The following CWF19L2 variants were observed in gnomAD, a reference collection of about 807,000 sequenced individuals.
CWF19L2 encodes the protein CWF19 like cell cycle control factor 2, also known as CWF19-like protein 2.
Under a neutral mutation model 111.7 loss-of-function variants are expected in CWF19L2, and 98 were observed. The ratio of observed to expected loss-of-function variants is 0.88; its 90% CI spans 0.75 to 1.04. The LOEUF is 1.04. Ranked by LOEUF, CWF19L2 falls within the 50% of genes least tolerant of loss-of-function variation. The probability of loss-of-function intolerance (pLI) is 0.00; values close to 1 mark genes in which losing one functional copy is unlikely to be tolerated. For missense variants in CWF19L2, 1,101 were observed against 1,051.4 expected, an observed-to-expected ratio of 1.05 and a Z score of -0.65; for synonymous variants, 351 against 342.9, an observed-to-expected ratio of 1.02 and a Z score of -0.26.
At chr11:107,373,766 T>C (rs12222052) in intron 12 of CWF19L2, among the ~76,000 whole-genome samples, 68,609 of 128,956 alleles carry the variant, frequency 0.53, 23,899 homozygotes, top group East Asian at 0.71. Context: ...CAAAGCTGGA[T>C]GGAGAATGAC....
chr11:107,419,061 A>G (rs906507864), intron 8 of CWF19L2, among the ~76,000 whole-genome samples: 17 of 152,222 alleles, frequency 1.1e-4, no homozygotes, highest in African/African-American at 3.6e-4. Flanking sequence ...AGAACTGCAG[A>G]GGGTTCCCCT....
intron 9 of CWF19L2, 50 bp from the exon 10 acceptor site, chr11:107,416,348 T>C: frequency 1.2e-6 from 1 of 806,888 alleles, no homozygotes; most frequent in South Asian, 2.2e-5. Flanking sequence ...GTTTAATTCT[T>C]TACGACAAAA....
At chr11:107,335,987 T>C (rs998694416) in intron 15 of CWF19L2, among the ~76,000 whole-genome samples, 2 of 152,048 alleles carry the variant, frequency 1.3e-5, no homozygotes, top group Non-Finnish European at 2.9e-5. Context: ...TTTGGGAGGC[T>C]GAGGCGGGCA....
In CWF19L2 at chr11:107,369,666, C is replaced by T. The variant is rs1421503281; in HGVS notation, c.1873-15930G>A. ...TAGAAGAAAGTAAGGACACTGATTC[C>T]ATACATTTTCAAAATTACTTTAAGA... On this transcript the variant is annotated intron_variant, in intron 12 of 17. Transcript: ENST00000282251. Among the ~76,000 whole-genome samples the T allele has an allele frequency of 4.4e-5, 6 of 137,704 alleles. 3 individuals carry two copies. Among genetic ancestry groups the T allele is most frequent in the African/African-American group, 1.7e-4 (6 of 34,610 alleles). The allele number at this position is 137,704 out of a possible 152,430, so 90.3% of individuals were successfully genotyped here.
At chr11:107,410,573 G>A (rs772401039) in intron 10 of CWF19L2, among the ~76,000 whole-genome samples, 18 of 152,104 alleles carry the variant, frequency 1.2e-4, no homozygotes, top group Admixed American at 3.3e-4. Context: ...ATAACACTTC[G>A]TATGATACTT....
At chr11:107,389,952 G>T in intron 12 of CWF19L2, 122 bp downstream of exon 12, 1 of 816,396 alleles carries the variant, frequency 1.2e-6, no homozygotes, top group Non-Finnish European at 1.9e-6. Context: ...GTCTTACAAA[G>T]GATTTAATTT....
At chr11:107,391,038 T>G (rs193299061) in intron 11 of CWF19L2, among the ~76,000 whole-genome samples, 38 of 152,302 alleles carry the variant, frequency 2.5e-4, no homozygotes, top group African/African-American at 8.9e-4. Flanking sequence ...TTCGGATTCT[T>G]GGACTTACAC....
At chr11:107,404,954 A>G (rs1348956881) in intron 10 of CWF19L2, among the ~76,000 whole-genome samples, 1 of 152,230 alleles carries the variant, frequency 6.6e-6, no homozygotes, top group African/African-American at 2.4e-5. Context: ...AGAAACAATG[A>G]GCAAGTTCCC....
intron 10 of CWF19L2, among the ~76,000 whole-genome samples, chr11:107,399,506 G>A (rs1284747994): frequency 6.6e-6 from 1 of 152,160 alleles, no homozygotes; most frequent in Non-Finnish European, 1.5e-5. Context: ...AAAAGGCCTT[G>A]TCCAACAGGA....
chr11:107,457,056 T>C (rs574765060), intron 1 of CWF19L2, among the ~76,000 whole-genome samples: 2 of 152,386 alleles, frequency 1.3e-5, no homozygotes, highest in South Asian at 2.1e-4. Flanking sequence ...TTCTCTTTCA[T>C]TGCCACACTT....
chr11:107,349,099 T>C (rs763095987), intron 13 of CWF19L2, 46 bp from the exon 14 acceptor site: 2 of 961,578 alleles, frequency 2.1e-6, no homozygotes, highest in Non-Finnish European at 3.1e-6. Flanking sequence ...GTTATTTATA[T>C]GTTATATATT....
chr11:107,408,578 C>A (rs555629503), intron 10 of CWF19L2, among the ~76,000 whole-genome samples: 1 of 151,910 alleles, frequency 6.6e-6, no homozygotes, highest in Admixed American at 6.6e-5. Context: ...AATATTTGCT[C>A]CTATAGTAAT....
At chr11:107,364,626 A>G (rs1352321349) in intron 12 of CWF19L2, among the ~76,000 whole-genome samples, 6 of 125,816 alleles carry the variant, frequency 4.8e-5, no homozygotes, top group Non-Finnish European at 6.4e-5. Context: ...TGAAACCAAC[A>G]AGAACAAAGA....
chr11:107,449,647 G>GAAAGT (rs60093514), intron 3 of CWF19L2, among the ~76,000 whole-genome samples: 26,938 of 151,808 alleles, frequency 0.18, 2,540 homozygotes, highest in Middle Eastern at 0.27. Flanking sequence ...TATATTATTT[G>GAAAGT]AGAGTATGGT....
intron 8 of CWF19L2, among the ~76,000 whole-genome samples, chr11:107,419,299 A>T (rs1341532916): frequency 1.3e-5 from 2 of 152,206 alleles, no homozygotes; most frequent in African/African-American, 4.8e-5. Flanking sequence ...AAAAATGTTA[A>T]AACAAAAGTT....
chr11:107,405,009 T>C (rs1297185670), intron 10 of CWF19L2, among the ~76,000 whole-genome samples: 5 of 152,230 alleles, frequency 3.3e-5, no homozygotes, highest in Non-Finnish European at 7.3e-5. Context: ...TAAGAATCTG[T>C]ATCAGTGTCA....
At chr11:107,356,167 T>C (rs1031707465) in intron 12 of CWF19L2, among the ~76,000 whole-genome samples, 1 of 151,980 alleles carries the variant, frequency 6.6e-6, no homozygotes, top group Admixed American at 6.6e-5. Context: ...AAAAAGACAA[T>C]GAGAAATGAC....
chr11:107,355,662 T>A (rs1860227369), intron 12 of CWF19L2, among the ~76,000 whole-genome samples: 2 of 152,118 alleles, frequency 1.3e-5, no homozygotes, highest in Non-Finnish European at 2.9e-5. Flanking sequence ...ATTATGTAAG[T>A]TGAAAAGAAA....
At position 107,400,430 on chromosome 11, in the gene CWF19L2, T is replaced by C. The variant is rs554291976; in HGVS notation, c.1618-7535A>G. Among the ~76,000 whole-genome samples, 3 of 152,226 alleles carry C rather than the reference T, an allele frequency of 2.0e-5. No individual in the cohort carries two copies. In the East Asian group the frequency reaches 5.8e-4, roughly 29 times the overall value. ...TACAAAAGATCATTCAAAGCTACTA[T>C]GAACACTTTTATGTACATAAACTAG... On this transcript the variant is annotated intron_variant, in intron 10 of 17. Coordinates refer to ENST00000282251, the MANE Select transcript of CWF19L2 (RefSeq NM_152434.3).
Sources: allele counts gnomAD v4.1 joint callset (sites outside exome capture counted in the v4.1 genomes callset), GRCh38; gene constraint gnomAD v4.1.1; transcripts MANE v1.5; gene names NCBI Gene and HGNC (gene_info 2026-07-23, HGNC 2026-07-21).